Variants in RIMS1 observed in about 807,000 individuals in gnomAD.
RIMS1 encodes regulating synaptic membrane exocytosis protein 1.
In RIMS1, 83 loss-of-function variants were observed where a neutral mutation model predicts 214.1. The ratio of observed to expected loss-of-function variants is 0.39; its 90% CI spans 0.32 to 0.47. RIMS1 has a LOEUF of 0.47. Among genes scored for constraint, RIMS1 ranks in the 20% least tolerant of loss-of-function variants. The pLI, the probability that RIMS1 is intolerant of heterozygous loss-of-function variation, is 0.99. For missense variants in RIMS1, 2,050 were observed against 2,161.8 expected, an observed-to-expected ratio of 0.95 and a Z score of 1.03; for synonymous variants, 793 against 786.8, an observed-to-expected ratio of 1.01 and a Z score of -0.13.
At chr6:72,196,580 CT>C (rs61651151) in intron 6 of RIMS1, among the ~76,000 whole-genome samples, 1,434 of 57,178 alleles carry the variant, frequency 0.025, 108 homozygotes, top group African/African-American at 0.1. Flanking sequence ...GCCAGCTGCA[CT>C]TTTTTTTTTT....
At chr6:72,114,129 A>C (rs987347724) in intron 4 of RIMS1, among the ~76,000 whole-genome samples, 5 of 152,070 alleles carry the variant, frequency 3.3e-5, no homozygotes, top group African/African-American at 1.2e-4. Flanking sequence ...GTGAAGTAAG[A>C]TATTGTGATG....
At chr6:72,077,992 C>G (rs1285205505) in intron 2 of RIMS1, among the ~76,000 whole-genome samples, 5 of 152,102 alleles carry the variant, frequency 3.3e-5, no homozygotes. Context: ...AACACAATCC[C>G]CCCTTGCCTC....
At chr6:71,988,319 G>C (rs183546930) in intron 2 of RIMS1, among the ~76,000 whole-genome samples, 4 of 151,870 alleles carry the variant, frequency 2.6e-5, no homozygotes, top group Non-Finnish European at 5.9e-5. Context: ...GTTTCCTATT[G>C]CCATTTCCTT....
chr6:72,005,330 C>T (rs1276206646), intron 2 of RIMS1, among the ~76,000 whole-genome samples: 3 of 152,124 alleles, frequency 2.0e-5, no homozygotes, highest in African/African-American at 7.2e-5. Context: ...GTTCTTTTGG[C>T]TTAGGATTGA....
At chr6:71,890,981 C>A (rs1387047142) in intron 1 of RIMS1, among the ~76,000 whole-genome samples, 3 of 152,208 alleles carry the variant, frequency 2.0e-5, no homozygotes, top group African/African-American at 7.2e-5. Flanking sequence ...TTTTCCCGTA[C>A]ACTACACTGT....
intron 6 of RIMS1, among the ~76,000 whole-genome samples, chr6:72,221,017 AC>A (rs1229009039): frequency 6.6e-6 from 1 of 152,062 alleles, no homozygotes; most frequent in Non-Finnish European, 1.5e-5. Context: ...AATCTGAAAG[AC>A]CCTTTGAGTA....
At chr6:71,954,309 G>A (rs1220776203) in intron 1 of RIMS1, among the ~76,000 whole-genome samples, 1 of 152,096 alleles carries the variant, frequency 6.6e-6, no homozygotes, top group Non-Finnish European at 1.5e-5. Flanking sequence ...GAGAAATACT[G>A]AATGCAAATT....
chr6:72,234,446 G>A (rs1039449217), intron 7 of RIMS1, among the ~76,000 whole-genome samples: 1 of 151,944 alleles, frequency 6.6e-6, no homozygotes, highest in Non-Finnish European at 1.5e-5. Flanking sequence ...TGAGGAGAAA[G>A]TACAGAATTC....
At position 72,346,398 on chromosome 6, in the gene RIMS1, A is replaced by G. The variant is rs561866325; in HGVS notation, c.4366+12563A>G. ...AGTTCTTCTAAGTCAGTATTTCTCA[A>G]AGTTCCTCAAGTCAAGTCCACCTTT... is the stretch of plus-strand genomic sequence containing the variant. On this transcript the variant is annotated intron_variant, in intron 29 of 33. Transcript: ENST00000521978. Among the ~76,000 whole-genome samples the G allele has an allele frequency of 8.6e-5, 13 of 151,880 alleles. 1 individual carries two copies. The South Asian group carries it at 2.5e-3, about 29-fold the overall frequency.
At chr6:71,887,222 G>A (rs759418335) in intron 1 of RIMS1, 35 bp downstream of exon 1, 20 of 1,582,822 alleles carry the variant, frequency 1.3e-5, no homozygotes, top group Admixed American at 1.8e-5. Flanking sequence ...CCATGCCTCC[G>A]TGCCTCCATC....
intron 29 of RIMS1, among the ~76,000 whole-genome samples, chr6:72,382,662 T>C (rs917044401): frequency 2.0e-5 from 3 of 152,184 alleles, no homozygotes; most frequent in African/African-American, 7.2e-5. Context: ...AGTGTTTACT[T>C]CTCTGGCTTC....
At chr6:71,924,047 C>G (rs962942090) in intron 1 of RIMS1, among the ~76,000 whole-genome samples, 2 of 152,164 alleles carry the variant, frequency 1.3e-5, no homozygotes, top group African/African-American at 4.8e-5. Context: ...TTTTTGCCCT[C>G]ACTTTCTGCT....
chr6:72,048,647 C>T (rs1823751807), intron 2 of RIMS1, among the ~76,000 whole-genome samples: 1 of 152,100 alleles, frequency 6.6e-6, no homozygotes, highest in Admixed American at 6.6e-5. Flanking sequence ...CCATCAAGAG[C>T]CTGCTAGGAA....
At chr6:72,202,882 C>T (rs1042026290) in intron 6 of RIMS1, among the ~76,000 whole-genome samples, 1 of 152,208 alleles carries the variant, frequency 6.6e-6, no homozygotes, top group African/African-American at 2.4e-5. Context: ...ATAATAATTG[C>T]ACATACCGCA....
At chr6:72,239,692 T>A (rs893202626) in intron 9 of RIMS1, among the ~76,000 whole-genome samples, 10 of 152,182 alleles carry the variant, frequency 6.6e-5, no homozygotes, top group Non-Finnish European at 1.3e-4. Context: ...CATTTAACCT[T>A]CTAAAACACA....
chr6:72,059,252 G>A (rs546659892), intron 2 of RIMS1, among the ~76,000 whole-genome samples: 102 of 152,082 alleles, frequency 6.7e-4, no homozygotes, highest in Non-Finnish European at 1.2e-3. Context: ...TTTGAGACAG[G>A]CTCTCGCTCT....
In RIMS1 at chr6:72,151,267, C is replaced by A. The variant is rs1251271155; in HGVS notation, c.472-28308C>A. ...CCGTGTTAGCCAGGATGGTCTCGAT[C>A]TCCTGACCTCGTGATCCGCCCGCCT... On this transcript the variant is annotated intron_variant, in intron 4 of 33. Coordinates refer to ENST00000521978, the MANE Select transcript of RIMS1 (RefSeq NM_014989.7). 4.6e-5 allele frequency among the ~76,000 whole-genome samples: 7 copies of A among 152,088 alleles called. No individual in the cohort carries two copies. In the East Asian group the frequency reaches 1.3e-3, roughly 29 times the overall value.
At chr6:71,963,494 T>C (rs945803027) in intron 1 of RIMS1, among the ~76,000 whole-genome samples, 12 of 152,334 alleles carry the variant, frequency 7.9e-5, no homozygotes, top group Middle Eastern at 3.4e-3. Flanking sequence ...ATTAATTTTC[T>C]CTTTACTATT....
At chr6:71,973,701 A>C (rs1796446682) in intron 2 of RIMS1, among the ~76,000 whole-genome samples, 1 of 152,190 alleles carries the variant, frequency 6.6e-6, no homozygotes, top group Admixed American at 6.5e-5. Flanking sequence ...CAGAGGAGGC[A>C]ACACAATAAA....
Sources: gnomAD v4.1 joint callset for allele counts (sites outside exome capture counted in the v4.1 genomes callset) on GRCh38, gnomAD v4.1.1 for gene constraint, MANE v1.5 for transcripts, NCBI Gene and HGNC (gene_info 2026-07-23, HGNC 2026-07-21) for gene names.